PCDHGB6: variants seen among roughly 807,000 people sequenced by gnomAD.
The protein encoded by PCDHGB6 is protocadherin gamma-B6.
In PCDHGB6, 51 loss-of-function variants were observed where a neutral mutation model predicts 59.1. The ratio of observed to expected loss-of-function variants is 0.86; its 90% CI spans 0.69 to 1.09. The LOEUF (loss-of-function observed/expected upper bound fraction) is 1.09. PCDHGB6 is among the 50% of genes least tolerant of loss of function. The pLI, the probability that PCDHGB6 is intolerant of heterozygous loss-of-function variation, is 0.00. For synonymous variants in PCDHGB6, 466 were observed against 495.1 expected, an observed-to-expected ratio of 0.94 and a Z score of 0.78; for missense variants, 1,148 against 1,205.1, an observed-to-expected ratio of 0.95 and a Z score of 0.70.
At chr5:141,418,478 G>T (rs777772131) in intron 1 of PCDHGB6, 1 of 1,613,858 alleles carries the variant, frequency 6.2e-7, no homozygotes, top group Non-Finnish European at 8.5e-7. Flanking sequence ...AACGCAGAGC[G>T]CTCACCACTT....
intron 1 of PCDHGB6, chr5:141,427,787 C>A (rs2097070880): frequency 6.8e-7 from 1 of 1,478,064 alleles, no homozygotes; most frequent in Non-Finnish European, 9.4e-7. Context: ...CACTGTCGTC[C>A]TACGTGTCCG....
chr5:141,475,213 G>C (rs1359120020), intron 1 of PCDHGB6, among the ~76,000 whole-genome samples: 2 of 152,170 alleles, frequency 1.3e-5, no homozygotes, highest in African/African-American at 4.8e-5. Context: ...GAAAAGGATT[G>C]ATCAAGTAAA....
chr5:141,415,819 T>C, intron 1 of PCDHGB6: 1 of 1,328,322 alleles, frequency 7.5e-7, no homozygotes, highest in Admixed American at 3.5e-5. Context: ...CTATATATCA[T>C]AAGGCTTTGT....
At chr5:141,416,501 T>C (rs1164504285) in intron 1 of PCDHGB6, 6 of 152,148 alleles carry the variant, frequency 3.9e-5, no homozygotes, top group Non-Finnish European at 7.4e-5. Context: ...AAGAGATATA[T>C]GACAAAGCTA....
intron 1 of PCDHGB6, chr5:141,475,816 C>A (rs1051857446): frequency 1.5e-5 from 5 of 342,872 alleles, no homozygotes; most frequent in Admixed American, 9.0e-5. Context: ...AGTGAAGTTC[C>A]TGGCGCTAGC....
At chr5:141,448,215 C>T (rs927573458) in intron 1 of PCDHGB6, among the ~76,000 whole-genome samples, 5 of 152,046 alleles carry the variant, frequency 3.3e-5, no homozygotes, top group African/African-American at 9.7e-5. Flanking sequence ...TGTGTGTATG[C>T]GAATGTATGT....
rs1000775080 is a variant in PCDHGB6 at position 141,487,567 on chromosome 5, G to C, written c.2419-7240G>C. 2 of 1,614,168 alleles carry C rather than the reference G, an allele frequency of 1.2e-6. No individual in the cohort carries two copies. The highest frequency in any genetic ancestry group is 1.7e-6 in the Non-Finnish European group (2 of 1,180,036). ...CACCCAGTGCACCTATGGCAGGGGA[G>C]CCTGTTCGCCCAAGCTGCCCACCCT... On this transcript the variant is annotated intron_variant, in intron 1 of 3. Coordinates refer to ENST00000520790, the MANE Select transcript of PCDHGB6 (RefSeq NM_018926.3). The surrounding 1 kb of genome is among the most constrained non-coding windows in gnomAD (Gnocchi z 5.0).
At position 141,432,716 on chromosome 5, in the gene PCDHGB6, C is replaced by A; in HGVS notation, c.2418+22096C>A. 6.2e-7 allele frequency: 1 copy of A among 1,614,030 alleles called. No individual in the cohort carries two copies. The highest frequency in any genetic ancestry group is 1.1e-5 in the South Asian group (1 of 91,084). ...GGCCGTCCAGGACCACGGCCAGCCC[C>A]CTCTCTCCGCCACTGTCACGCTCAC... On this transcript the variant is annotated intron_variant, in intron 1 of 3. Transcript: ENST00000520790. This position sits in a 1 kb window ranked among gnomAD's most constrained non-coding sequence, Gnocchi z 6.0.
At chr5:141,450,587 A>G (rs1396203849) in intron 1 of PCDHGB6, among the ~76,000 whole-genome samples, 1 of 151,720 alleles carries the variant, frequency 6.6e-6, no homozygotes, top group East Asian at 1.9e-4. Flanking sequence ...CCCAGGTTCA[A>G]GCAATTCTCC....
At chr5:141,446,767 G>A (rs891355909) in intron 1 of PCDHGB6, among the ~76,000 whole-genome samples, 12 of 152,118 alleles carry the variant, frequency 7.9e-5, no homozygotes, top group Non-Finnish European at 1.2e-4. Flanking sequence ...GCGCCCAGCC[G>A]GTTACCATTC....
intron 2 of PCDHGB6, among the ~76,000 whole-genome samples, chr5:141,501,942 C>T (rs1012840550): frequency 2.6e-5 from 4 of 152,136 alleles, no homozygotes; most frequent in Non-Finnish European, 4.4e-5. Context: ...CACCACTGCT[C>T]CCTGTGACAG....
At position 141,476,946 on chromosome 5, in the gene PCDHGB6, G is replaced by A; in HGVS notation, c.2419-17861G>A. ...ACGGATCTGGATGAAGGCCCCAACG[G>A]TGAAATTATTTACTCCTTCGGCAGC... On this transcript the variant is annotated intron_variant, in intron 1 of 3. Transcript: ENST00000520790. The surrounding 1 kb of genome is among the most constrained non-coding windows in gnomAD (Gnocchi z 7.6). The A allele has an allele frequency of 6.2e-7, 1 of 1,614,206 alleles. No individual in the cohort carries two copies. Among genetic ancestry groups the A allele is most frequent in the Non-Finnish European group, 8.5e-7 (1 of 1,180,044 alleles).
At position 141,477,632 on chromosome 5, in the gene PCDHGB6, G is replaced by A. The variant is rs1262622928; in HGVS notation, c.2419-17175G>A. Reference sequence around the variant, plus strand: ...GGAGCAAGGAGCTGAAACCGGGCTAGTGGGTCGCTATTTCACAATAAATCG... The same window carrying A: ...GGAGCAAGGAGCTGAAACCGGGCTAATGGGTCGCTATTTCACAATAAATCG... On this transcript the variant is annotated intron_variant, in intron 1 of 3. Coordinates refer to ENST00000520790, the MANE Select transcript of PCDHGB6 (RefSeq NM_018926.3). This position sits in a 1 kb window ranked among gnomAD's most constrained non-coding sequence, Gnocchi z 4.9. 6.8e-6 allele frequency: 11 copies of A among 1,614,218 alleles called. No homozygotes were observed. Among genetic ancestry groups the A allele is most frequent in the Non-Finnish European group, 9.3e-6 (11 of 1,180,046 alleles).
rs1461837957 is a variant in PCDHGB6, at chr5:141,432,613, G to C, written c.2418+21993G>C. The C allele has an allele frequency of 6.2e-7, 1 of 1,613,946 alleles. No homozygotes were observed. The highest frequency in any genetic ancestry group is 1.3e-5 in the African/African-American group (1 of 75,056). On this transcript the variant is annotated intron_variant, in intron 1 of 3. Coordinates refer to ENST00000520790, the MANE Select transcript of PCDHGB6 (RefSeq NM_018926.3). The surrounding 1 kb of genome is among the most constrained non-coding windows in gnomAD (Gnocchi z 6.0). ...AGGCCAGCGAGCCGGGACTCTTCTC[G>C]GTGGGTCTGCACACGGGCGAGGTGC...
intron 1 of PCDHGB6, among the ~76,000 whole-genome samples, chr5:141,420,581 C>T (rs1024544346): frequency 2.6e-5 from 4 of 151,994 alleles, no homozygotes; most frequent in Admixed American, 6.5e-5. Flanking sequence ...TAATTGAAAC[C>T]CTGATGCTAC....
intron 1 of PCDHGB6, among the ~76,000 whole-genome samples, chr5:141,450,006 C>CTATTTT (rs70988802): frequency 0.12 from 16,177 of 132,696 alleles, 1,810 homozygotes; most frequent in African/African-American, 0.21. Flanking sequence ...TGCCATGTCT[C>CTATTTT]TTTTTTTTTT....
rs1416883218 is a variant in PCDHGB6, at chr5:141,428,027, G to A, written c.2418+17407G>A. On this transcript the variant is annotated intron_variant, in intron 1 of 3. Coordinates refer to ENST00000520790, the MANE Select transcript of PCDHGB6 (RefSeq NM_018926.3). ...TCGATATAGTGCCACGCGCCGCAGAGTCCGGCTACCTGGTGACCAAGGTGG... is the reference window on the plus strand; with the variant it reads ...TCGATATAGTGCCACGCGCCGCAGAATCCGGCTACCTGGTGACCAAGGTGG... 1.9e-6 allele frequency: 3 copies of A among 1,606,742 alleles called. No homozygotes were observed. The Admixed American group carries it at 5.0e-5, about 27-fold the overall frequency.
rs754765049 is a variant in PCDHGB6 at position 141,409,809 on chromosome 5, A to T, written c.1607A>T (p.Asp536Val). 3.8e-5 allele frequency: 62 copies of T among 1,611,424 alleles called. No individual in the cohort carries two copies. Among genetic ancestry groups the T allele is most frequent in the Non-Finnish European group, 7.6e-6 (9 of 1,179,160 alleles). ...TTCGCGCTCACGCTGCAGGCCCGCG[A>T]CCACGGCTCGCCCACGCTCAGCGCC... ...RAFALTLQAR[D>V]HGSPTLSANV... The change falls in exon 1 of 4, where the codon GAC (aspartate) becomes GTC (valine). Residue 536 changes from aspartate (D) to valine (V), a missense_variant. Physicochemically the swap from Asp to Val is radical, Grantham distance 152. Coordinates refer to ENST00000520790, the MANE Select transcript of PCDHGB6 (RefSeq NM_018926.3).
intron 1 of PCDHGB6, chr5:141,442,120 C>G (rs766641164): frequency 6.0e-6 from 1 of 165,340 alleles, no homozygotes; most frequent in Admixed American, 6.5e-5. Flanking sequence ...CCCTCGTCGC[C>G]GACAGCCTGC....
Sources: gnomAD v4.1 joint callset for allele counts (sites outside exome capture counted in the v4.1 genomes callset) on GRCh38, gnomAD v4.1.1 for gene constraint, Gnocchi (gnomAD v3.1) non-coding constraint, MANE v1.5 for transcripts, NCBI Gene and HGNC (gene_info 2026-07-23, HGNC 2026-07-21) for gene names.